Variants in PDLIM5 observed in about 807,000 individuals in gnomAD.
The protein encoded by PDLIM5 is PDZ and LIM domain 5.
In PDLIM5, 34 loss-of-function variants were observed where a neutral mutation model predicts 64.2. That is an observed-to-expected ratio of 0.53 (90% confidence interval 0.40 to 0.71). The LOEUF (loss-of-function observed/expected upper bound fraction) is 0.71. Among genes scored for constraint, PDLIM5 ranks in the 30% least tolerant of loss-of-function variants. PDLIM5 has a pLI of 0.00. For missense variants in PDLIM5, 683 were observed against 733.6 expected, an observed-to-expected ratio of 0.93 and a Z score of 0.80; for synonymous variants, 253 against 269.1, an observed-to-expected ratio of 0.94 and a Z score of 0.59.
intron 2 of PDLIM5, among the ~76,000 whole-genome samples, chr4:94,520,215 G>T (rs879503679): frequency 7.9e-5 from 12 of 152,124 alleles, no homozygotes; most frequent in Non-Finnish European, 1.6e-4. Flanking sequence ...TAAAGTCTGT[G>T]GAAAATTGGA....
chr4:94,651,455 A>G (rs1034276367), intron 9 of PDLIM5, among the ~76,000 whole-genome samples: 4 of 152,250 alleles, frequency 2.6e-5, no homozygotes, highest in Non-Finnish European at 5.9e-5. Flanking sequence ...ATAGTGAACT[A>G]TATTCCAGCA....
At chr4:94,527,839 CAG>C (rs1369612547) in intron 3 of PDLIM5, among the ~76,000 whole-genome samples, 2 of 152,156 alleles carry the variant, frequency 1.3e-5, no homozygotes, top group Non-Finnish European at 2.9e-5. Context: ...TGTGAGTAAA[CAG>C]AGAAGAGGGC....
Position 94,620,540 on chromosome 4 carries a change from C to CA in PDLIM5, c.1108+2359dup, listed in dbSNP as rs1177188628. On this transcript the variant is annotated intron_variant, in intron 8 of 12. Coordinates refer to ENST00000317968, the MANE Select transcript of PDLIM5 (RefSeq NM_006457.5). ...CAACAGGAGTGAGATACCTTGTCTC[C>CA]AAAAAAAAAATGGTCACTCATTATT... Among the ~76,000 whole-genome samples the CA allele has an allele frequency of 4.9e-3, 700 of 143,642 alleles. 2 individuals are homozygous for CA. The highest frequency in any genetic ancestry group is 0.016 in the African/African-American group (634 of 39,416). The allele number at this position is 143,642 out of a possible 152,430, so 94.2% of individuals were successfully genotyped here. A position where few individuals can be genotyped will look rare whatever the true frequency, so the allele number is the denominator to read the frequency against.
rs569566747 is a variant in PDLIM5, at chr4:94,482,364, G to T, written c.96+26980G>T. 2.6e-5 allele frequency among the ~76,000 whole-genome samples: 4 copies of T among 152,186 alleles called. No individual in the cohort carries two copies. The East Asian group carries it at 7.7e-4, about 29-fold the overall frequency. On this transcript the variant is annotated intron_variant, in intron 2 of 12. Coordinates refer to ENST00000317968, the MANE Select transcript of PDLIM5 (RefSeq NM_006457.5). The stretch of plus-strand genomic sequence containing the variant: ...TTTGGTTAAGTTTAAGACCTTTTGA[G>T]ATTAACTAATAAATATCTCTGAGTT...
intron 9 of PDLIM5, among the ~76,000 whole-genome samples, chr4:94,648,258 A>G (rs750678156): frequency 6.6e-6 from 1 of 152,168 alleles, no homozygotes; most frequent in Non-Finnish European, 1.5e-5. Flanking sequence ...CATTGGCTAA[A>G]CTACCAAGAA....
chr4:94,512,688 G>T (rs1387037505), intron 2 of PDLIM5, among the ~76,000 whole-genome samples: 2 of 151,178 alleles, frequency 1.3e-5, no homozygotes, highest in African/African-American at 2.4e-5. Context: ...TCTGTGTTTT[G>T]TCTCTTTGTT....
Position 94,658,315 on chromosome 4 carries a change from T to C in PDLIM5, c.1585+768T>C, listed in dbSNP as rs147226260. ...ATCCTGACTTGGATTGTTCCCTTGG[T>C]AAAATGATTTTTAATAAACTAGACT... On this transcript the variant is annotated intron_variant, in intron 11 of 12. Coordinates refer to ENST00000317968, the MANE Select transcript of PDLIM5 (RefSeq NM_006457.5). 3.6e-3 allele frequency among the ~76,000 whole-genome samples: 548 copies of C among 152,332 alleles called. 2 individuals are homozygous for C. The highest frequency in any genetic ancestry group is 0.012 in the African/African-American group (506 of 41,580).
chr4:94,470,035 C>T lies in PDLIM5; in HGVS notation c.96+14651C>T, dbSNP rs149045165. Among the ~76,000 whole-genome samples, 1,190 of 137,432 alleles carry T rather than the reference C, an allele frequency of 8.7e-3. 17 individuals carry two copies. The highest frequency in any genetic ancestry group is 0.031 in the African/African-American group (1,108 of 36,104). The allele number at this position is 137,432 out of a possible 152,430, so 90.2% of individuals were successfully genotyped here. On this transcript the variant is annotated intron_variant, in intron 2 of 12. Coordinates refer to ENST00000317968, the MANE Select transcript of PDLIM5 (RefSeq NM_006457.5). ...AGGCTGGAGTGCAGTGGCGTGATCT[C>T]GACTCACTGCAACCTCCGCCTCTCG...
intron 7 of PDLIM5, 44 bp from the exon 8 acceptor site, chr4:94,617,960 G>T (rs376692015): frequency 3.7e-6 from 4 of 1,074,670 alleles, no homozygotes; most frequent in Non-Finnish European, 5.2e-6. Context: ...GCTGAGTTAC[G>T]TTGCTACCAC....
At chr4:94,611,474 A>G (rs936921209) in intron 7 of PDLIM5, among the ~76,000 whole-genome samples, 2 of 152,198 alleles carry the variant, frequency 1.3e-5, no homozygotes, top group African/African-American at 4.8e-5. Flanking sequence ...CAAGTATTTA[A>G]ATTGCAGTAG....
At chr4:94,601,367 C>T (rs572842223) in intron 7 of PDLIM5, among the ~76,000 whole-genome samples, 6 of 152,258 alleles carry the variant, frequency 3.9e-5, no homozygotes, top group African/African-American at 1.4e-4. Flanking sequence ...GAGGCCTCAC[C>T]TCCTAATACT....
chr4:94,653,141 G>A (rs1240510016), intron 9 of PDLIM5, among the ~76,000 whole-genome samples: 1 of 152,118 alleles, frequency 6.6e-6, no homozygotes, highest in African/African-American at 2.4e-5. Flanking sequence ...GATAAGTGAT[G>A]TTAATGAGGT....
At chr4:94,618,799 A>G (rs760166090) in intron 8 of PDLIM5, among the ~76,000 whole-genome samples, 2 of 152,222 alleles carry the variant, frequency 1.3e-5, no homozygotes, top group Non-Finnish European at 2.9e-5. Context: ...CTGCAAAATG[A>G]AGAAAGACTA....
At chr4:94,595,422 C>T (rs533656349) in intron 7 of PDLIM5, among the ~76,000 whole-genome samples, 3 of 152,296 alleles carry the variant, frequency 2.0e-5, no homozygotes, top group Non-Finnish European at 2.9e-5. Flanking sequence ...GCCGGGAAAC[C>T]GTCTTCTTGT....
chr4:94,510,528 C>T (rs1458288985), intron 2 of PDLIM5, among the ~76,000 whole-genome samples: 1 of 152,048 alleles, frequency 6.6e-6, no homozygotes, highest in Non-Finnish European at 1.5e-5. Flanking sequence ...AAACGCAGAC[C>T]TTTTAGTAAT....
Position 94,665,499 on chromosome 4 carries a change from AAAAAAAAGAG to A in PDLIM5, c.*1434_*1443del, listed in dbSNP as rs1448207529. 15 of 785,100 alleles carry A rather than the reference AAAAAAAAGAG, an allele frequency of 1.9e-5. No homozygotes were observed. In the African/African-American group the frequency reaches 2.2e-4, roughly 11 times the overall value. The allele number at this position is 785,100 out of a possible 1,614,324, so 48.6% of individuals were successfully genotyped here. On this transcript the variant is annotated 3_prime_UTR_variant, in exon 13 of 13. Coordinates refer to ENST00000317968, the MANE Select transcript of PDLIM5 (RefSeq NM_006457.5). ...CGGCTCTTAAAAAAAAAAAAAAAAA[AAAAAAAAGAG>A]AGAGAGAGAATAAATAGAAAAGAAT...
At chr4:94,491,323 T>C (rs1726852577) in intron 2 of PDLIM5, among the ~76,000 whole-genome samples, 1 of 152,194 alleles carries the variant, frequency 6.6e-6, no homozygotes, top group Admixed American at 6.5e-5. Context: ...AACTCTGACA[T>C]TGATTATCCT....
chr4:94,538,002 A>G (rs1195693719), intron 3 of PDLIM5, among the ~76,000 whole-genome samples: 1 of 152,196 alleles, frequency 6.6e-6, no homozygotes, highest in African/African-American at 2.4e-5. Context: ...AGAAAGGGGC[A>G]GTTATGAAGA....
At chr4:94,550,350 C>T (rs1732702785) in intron 3 of PDLIM5, among the ~76,000 whole-genome samples, 1 of 152,082 alleles carries the variant, frequency 6.6e-6, no homozygotes, top group Admixed American at 6.6e-5. Context: ...TCAATTACTT[C>T]CCAATGTGTA....
Sources: gnomAD v4.1 joint callset for allele counts (sites outside exome capture counted in the v4.1 genomes callset) on GRCh38, gnomAD v4.1.1 for gene constraint, MANE v1.5 for transcripts, NCBI Gene and HGNC (gene_info 2026-07-23, HGNC 2026-07-21) for gene names.